The following GRM7 variants were observed in gnomAD, a reference collection of about 807,000 sequenced individuals.
GRM7 encodes glutamate metabotropic receptor 7, also known as metabotropic glutamate receptor 7.
Under a neutral mutation model 84.5 loss-of-function variants are expected in GRM7, and 35 were observed. That is an observed-to-expected ratio of 0.41 (90% confidence interval 0.32 to 0.55). The LOEUF (loss-of-function observed/expected upper bound fraction) is 0.55. Ranked by LOEUF, GRM7 falls within the 20% of genes least tolerant of loss-of-function variation. GRM7 has a pLI of 0.19. For synonymous variants in GRM7, 487 were observed against 455.1 expected, an observed-to-expected ratio of 1.07 and a Z score of -0.89; for missense variants, 1,003 against 1,194.6, an observed-to-expected ratio of 0.84 and a Z score of 2.36.
intron 7 of GRM7, among the ~76,000 whole-genome samples, chr3:7,484,754 G>A (rs1322824961): frequency 1.3e-5 from 2 of 152,208 alleles, no homozygotes; most frequent in African/African-American, 4.8e-5. Context: ...CTAAAATGGT[G>A]TTGAGTGCTC....
intron 4 of GRM7, among the ~76,000 whole-genome samples, chr3:7,375,214 C>CCTT (rs1553572613): frequency 8.3e-4 from 111 of 132,958 alleles, no homozygotes; most frequent in African/African-American, 2.3e-3. Context: ...TAAACATCCC[C>CCTT]TTTTTTTTTT....
intron 2 of GRM7, among the ~76,000 whole-genome samples, chr3:7,228,929 T>C (rs1697071050): frequency 6.6e-6 from 1 of 152,218 alleles, no homozygotes; most frequent in African/African-American, 2.4e-5. Flanking sequence ...ATAGTTTTAT[T>C]AAATAACTTG....
intron 1 of GRM7, among the ~76,000 whole-genome samples, chr3:7,136,734 G>A (rs113181559): frequency 1.6e-3 from 242 of 152,202 alleles, no homozygotes; most frequent in African/African-American, 5.6e-3. Context: ...TTCCTGGCAT[G>A]CCCATTTCTT....
chr3:7,549,105 G>A (rs1471929685), intron 7 of GRM7, among the ~76,000 whole-genome samples: 1 of 152,154 alleles, frequency 6.6e-6, no homozygotes, highest in African/African-American at 2.4e-5. Flanking sequence ...GCCAGCCTAT[G>A]AGAGAGCTAA....
intron 8 of GRM7, among the ~76,000 whole-genome samples, chr3:7,601,919 T>G (rs1184796731): frequency 1.3e-5 from 2 of 151,962 alleles, no homozygotes; most frequent in African/African-American, 2.4e-5. Context: ...TGGATAGGAC[T>G]AATCAATCAG....
At chr3:7,678,237 T>C (rs987518391) in intron 8 of GRM7, among the ~76,000 whole-genome samples, 3 of 152,142 alleles carry the variant, frequency 2.0e-5, no homozygotes, top group African/African-American at 4.8e-5. Flanking sequence ...AGAAAACATA[T>C]GTGTACACAC....
intron 1 of GRM7, among the ~76,000 whole-genome samples, chr3:6,890,407 G>A (rs1420569214): frequency 1.3e-5 from 2 of 152,102 alleles, no homozygotes; most frequent in African/African-American, 2.4e-5. Flanking sequence ...CTTTGAATGT[G>A]TCCCAGAGAT....
At chr3:6,885,879 C>G (rs1334601347) in intron 1 of GRM7, among the ~76,000 whole-genome samples, 1 of 152,104 alleles carries the variant, frequency 6.6e-6, no homozygotes, top group Non-Finnish European at 1.5e-5. Context: ...GGTCTCCAGT[C>G]TATTAAGTAT....
intron 2 of GRM7, among the ~76,000 whole-genome samples, chr3:7,149,232 G>A (rs1694202663): frequency 6.6e-6 from 1 of 152,112 alleles, no homozygotes; most frequent in Non-Finnish European, 1.5e-5. Context: ...TGTGGAGTAA[G>A]TCTACTCAGT....
intron 2 of GRM7, among the ~76,000 whole-genome samples, chr3:7,287,802 G>A (rs918417138): frequency 6.6e-6 from 1 of 152,084 alleles, no homozygotes; most frequent in African/African-American, 2.4e-5. Context: ...CTTAAGAGAG[G>A]TAATAGTTTG....
chr3:7,284,698 C>A, intron 2 of GRM7, among the ~76,000 whole-genome samples: 1 of 152,020 alleles, frequency 6.6e-6, no homozygotes, highest in East Asian at 1.9e-4. Flanking sequence ...AATTTATCTA[C>A]TGCTTGGTCT....
At position 7,064,517 on chromosome 3, in the gene GRM7, TAC is replaced by T. The variant is rs564968527; in HGVS notation, c.520-81922_520-81921del. Among the ~76,000 whole-genome samples the T allele has an allele frequency of 2.5e-4, 28 of 111,854 alleles. 1 individual carries two copies. Among genetic ancestry groups the T allele is most frequent in the South Asian group, 1.8e-3 (6 of 3,388 alleles). 73.4% of individuals were successfully genotyped at this position (111,854 alleles called of 152,430 possible). A position where few individuals can be genotyped will look rare whatever the true frequency, so the allele number is the denominator to read the frequency against. On this transcript the variant is annotated intron_variant, in intron 1 of 9. Coordinates refer to ENST00000357716, the MANE Select transcript of GRM7 (RefSeq NM_000844.4). ...ATATATATATACACATATATATATA[TAC>T]ACACACACACACGCATCCATCATGT...
chr3:6,911,263 T>G (rs2125017479), intron 1 of GRM7, among the ~76,000 whole-genome samples: 1 of 152,282 alleles, frequency 6.6e-6, no homozygotes, highest in Middle Eastern at 3.4e-3. Flanking sequence ...AGCCTTTATT[T>G]GGCCAAAATA....
intron 2 of GRM7, among the ~76,000 whole-genome samples, chr3:7,185,495 C>T (rs930281980): frequency 2.6e-5 from 4 of 152,156 alleles, no homozygotes; most frequent in African/African-American, 9.7e-5. Context: ...CACTATGTAG[C>T]TCTATCTATA....
chr3:7,305,341 T>TC (rs1342895501), intron 3 of GRM7, among the ~76,000 whole-genome samples: 2,336 of 89,072 alleles, frequency 0.026, 110 homozygotes, highest in African/African-American at 0.11. Flanking sequence ...TTTTTTTTTT[T>TC]TCTTTTTTTT....
intron 1 of GRM7, among the ~76,000 whole-genome samples, chr3:7,117,823 G>T (rs1693088795): frequency 1.3e-5 from 2 of 152,162 alleles, no homozygotes; most frequent in Non-Finnish European, 2.9e-5. Flanking sequence ...ATTAAATGAT[G>T]TTTCTCAAAA....
At position 7,037,525 on chromosome 3, in the gene GRM7, C is replaced by T. The variant is rs140447434; in HGVS notation, c.520-108927C>T. The stretch of plus-strand genomic sequence containing the variant: ...TAAAGGGCACATAGGAAGTGCTCCA[C>T]GAACATTAGTTATTACTTTTCTCAC... On this transcript the variant is annotated intron_variant, in intron 1 of 9. Coordinates refer to ENST00000357716, the MANE Select transcript of GRM7 (RefSeq NM_000844.4). Among the ~76,000 whole-genome samples the T allele has an allele frequency of 2.0e-4, 30 of 152,236 alleles. No individual in the cohort carries two copies. The East Asian group carries it at 4.1e-3, about 21-fold the overall frequency.
intron 1 of GRM7, among the ~76,000 whole-genome samples, chr3:7,086,399 A>G (rs1698460159): frequency 6.6e-6 from 1 of 152,146 alleles, no homozygotes; most frequent in Admixed American, 6.6e-5. Flanking sequence ...TTTTGTTGTT[A>G]AACCACAGGT....
At chr3:7,258,508 T>G (rs926210175) in intron 2 of GRM7, among the ~76,000 whole-genome samples, 3 of 152,336 alleles carry the variant, frequency 2.0e-5, no homozygotes, top group Admixed American at 6.5e-5. Context: ...CACATCCGTC[T>G]AAAAGTAGTA....
Sources: gnomAD v4.1 joint callset for allele counts (sites outside exome capture counted in the v4.1 genomes callset) on GRCh38, gnomAD v4.1.1 for gene constraint, MANE v1.5 for transcripts, NCBI Gene and HGNC (gene_info 2026-07-23, HGNC 2026-07-21) for gene names.